The following ZBTB44 variants were observed in gnomAD, a reference collection of about 807,000 sequenced individuals.
ZBTB44 encodes zinc finger and BTB domain containing 44.
Under a neutral mutation model 54.0 loss-of-function variants are expected in ZBTB44, and 15 were observed. That is an observed-to-expected ratio of 0.28 (90% confidence interval 0.19 to 0.43). ZBTB44 has a LOEUF of 0.43. Among genes scored for constraint, ZBTB44 ranks in the 20% least tolerant of loss-of-function variants. The probability of loss-of-function intolerance (pLI) is 1.00; values close to 1 mark genes in which losing one functional copy is unlikely to be tolerated. For missense variants in ZBTB44, 487 were observed against 707.1 expected, an observed-to-expected ratio of 0.69 and a Z score of 3.53; for synonymous variants, 230 against 250.1, an observed-to-expected ratio of 0.92 and a Z score of 0.76.
chr11:130,263,342 G>A (rs554842165), intron 1 of ZBTB44, among the ~76,000 whole-genome samples: 1 of 152,154 alleles, frequency 6.6e-6, no homozygotes. Flanking sequence ...GCTGATTTAG[G>A]TCTCACAAAA....
chr11:130,249,401 GTA>G (rs1406621539), intron 2 of ZBTB44, among the ~76,000 whole-genome samples: 1 of 152,194 alleles, frequency 6.6e-6, no homozygotes, highest in Non-Finnish European at 1.5e-5. Context: ...GTGTGTTCAT[GTA>G]AATTCTTCAC....
intron 7 of ZBTB44, 44 bp from the exon 8 acceptor site, chr11:130,231,759 G>A (rs1267779779): frequency 6.6e-6 from 1 of 151,688 alleles, no homozygotes; most frequent in African/African-American, 2.4e-5. Flanking sequence ...ACCTATTCTT[G>A]TCAATACAGA....
At chr11:130,262,954 G>A (rs920115816) in intron 1 of ZBTB44, among the ~76,000 whole-genome samples, 1 of 152,146 alleles carries the variant, frequency 6.6e-6, no homozygotes, top group Non-Finnish European at 1.5e-5. Flanking sequence ...CCAGCTATTC[G>A]GGACGCTGAT....
intron 1 of ZBTB44, among the ~76,000 whole-genome samples, chr11:130,305,117 A>G (rs761576795): frequency 4.6e-5 from 7 of 152,170 alleles, no homozygotes; most frequent in Non-Finnish European, 8.8e-5. Flanking sequence ...GATGACACAA[A>G]CAAATGGAAA....
At chr11:130,262,147 GTT>G (rs1938905912) in intron 1 of ZBTB44, among the ~76,000 whole-genome samples, 2 of 151,422 alleles carry the variant, frequency 1.3e-5, no homozygotes, top group African/African-American at 4.8e-5. Flanking sequence ...TTTTTGTTTT[GTT>G]TTGTTTTTGA....
Position 130,239,808 on chromosome 11 carries a change from T to A in ZBTB44, c.1103+4A>T, listed in dbSNP as rs1954276034. 1.9e-6 allele frequency: 3 copies of A among 1,611,134 alleles called. No individual in the cohort carries two copies. Among genetic ancestry groups the A allele is most frequent in the Non-Finnish European group, 2.5e-6 (3 of 1,178,096 alleles). The stretch of plus-strand genomic sequence containing the variant: ...AGGTAACGAAATGCTATGTTAGTAC[T>A]GACCGATCATCATCATCCGGAGGAG... On this transcript the variant is annotated splice_donor_region_variant and intron_variant, in intron 3 of 7. Coordinates refer to ENST00000357899, the MANE Select transcript of ZBTB44 (RefSeq NM_001301098.2).
At chr11:130,271,895 G>A (rs191558300) in intron 1 of ZBTB44, among the ~76,000 whole-genome samples, 22 of 152,132 alleles carry the variant, frequency 1.4e-4, no homozygotes, top group Admixed American at 1.4e-3. Context: ...GAAATTGTCA[G>A]ACTGTCTTCC....
At chr11:130,235,014 T>C (rs1954046349) in intron 5 of ZBTB44, among the ~76,000 whole-genome samples, 2 of 152,210 alleles carry the variant, frequency 1.3e-5, no homozygotes, top group Admixed American at 1.3e-4. Flanking sequence ...CTAAATTTCC[T>C]ACTTATAAGC....
At chr11:130,271,869 A>G (rs780401420) in intron 1 of ZBTB44, among the ~76,000 whole-genome samples, 8 of 152,160 alleles carry the variant, frequency 5.3e-5, no homozygotes, top group African/African-American at 1.7e-4. Context: ...TGGTAACTCT[A>G]TATTTAATCA....
rs1467413401 is a variant in ZBTB44 at position 130,235,781 on chromosome 11, C to G, written c.1568+1012G>C. On this transcript the variant is annotated intron_variant, in intron 5 of 7. Coordinates refer to ENST00000357899, the MANE Select transcript of ZBTB44 (RefSeq NM_001301098.2). Reference sequence around the variant, plus strand: ...CTTTGGGAGGCTGAAGCAGGCGGATCACTTGAGGTCAGGGGTTCGAGATCA... The same window carrying G: ...CTTTGGGAGGCTGAAGCAGGCGGATGACTTGAGGTCAGGGGTTCGAGATCA... 2.0e-5 allele frequency among the ~76,000 whole-genome samples: 3 copies of G among 152,070 alleles called. 1 individual carries two copies. Among genetic ancestry groups the G allele is most frequent in the Non-Finnish European group, 4.4e-5 (3 of 68,020 alleles).
intron 1 of ZBTB44, among the ~76,000 whole-genome samples, chr11:130,313,987 C>G (rs1401478262): frequency 1.3e-5 from 2 of 150,750 alleles, no homozygotes; most frequent in Non-Finnish European, 2.9e-5. Context: ...GAAGTGCCAT[C>G]TTTTTCTTTC....
intron 1 of ZBTB44, among the ~76,000 whole-genome samples, chr11:130,265,365 C>T (rs539876871): frequency 1.3e-5 from 2 of 152,214 alleles, no homozygotes; most frequent in South Asian, 4.2e-4. Context: ...GCTGGAAATA[C>T]AGGTGCATAC....
At chr11:130,304,702 A>C (rs1942173747) in intron 1 of ZBTB44, among the ~76,000 whole-genome samples, 1 of 152,228 alleles carries the variant, frequency 6.6e-6, no homozygotes, top group Admixed American at 6.5e-5. Context: ...ATGATCCCTG[A>C]AAGTACAGTC....
chr11:130,313,876 C>G (rs1942760992), intron 1 of ZBTB44, among the ~76,000 whole-genome samples: 1 of 151,402 alleles, frequency 6.6e-6, no homozygotes, highest in African/African-American at 2.4e-5. Context: ...CGACTAGATG[C>G]AGAGTGATCC....
Position 130,262,584 on chromosome 11 carries a change from G to A in ZBTB44, c.-56-655C>T, listed in dbSNP as rs148893253. On this transcript the variant is annotated intron_variant, in intron 1 of 7. Coordinates refer to ENST00000357899, the MANE Select transcript of ZBTB44 (RefSeq NM_001301098.2). ...TGTCATCATATCTCTATCAGTAGGC[G>A]TATTATCATTCCTGTTTCTAAATGT... 7.7e-3 allele frequency among the ~76,000 whole-genome samples: 1,178 copies of A among 152,258 alleles called. 8 individuals carry two copies. Among genetic ancestry groups the A allele is most frequent in the African/African-American group, 0.018 (760 of 41,536 alleles).
intron 2 of ZBTB44, among the ~76,000 whole-genome samples, chr11:130,246,046 C>G (rs1024011410): frequency 3.3e-5 from 5 of 151,886 alleles, no homozygotes; most frequent in African/African-American, 1.2e-4. Context: ...GCACCAACAG[C>G]TAAAAATGAA....
chr11:130,264,257 C>A (rs1939088377), intron 1 of ZBTB44, among the ~76,000 whole-genome samples: 1 of 152,144 alleles, frequency 6.6e-6, no homozygotes, highest in Non-Finnish European at 1.5e-5. Flanking sequence ...GCTGCTGCTA[C>A]TAACATTGCT....
intron 1 of ZBTB44, chr11:130,296,558 G>T: frequency 1.1e-6 from 1 of 910,776 alleles, no homozygotes; most frequent in South Asian, 1.4e-5. Flanking sequence ...CCATCCGGAT[G>T]ACCCTAAGGA....
intron 1 of ZBTB44, among the ~76,000 whole-genome samples, chr11:130,302,789 A>G (rs1378938184): frequency 6.6e-6 from 1 of 152,216 alleles, no homozygotes; most frequent in African/African-American, 2.4e-5. Flanking sequence ...CCTGCCTGAC[A>G]TGGTGAAACC....
Sources: allele counts gnomAD v4.1 joint callset (sites outside exome capture counted in the v4.1 genomes callset), GRCh38; gene constraint gnomAD v4.1.1; transcripts MANE v1.5; gene names NCBI Gene and HGNC (gene_info 2026-07-23, HGNC 2026-07-21).